TIAM2: variants seen among roughly 807,000 people sequenced by gnomAD.
TIAM2 encodes the protein TIAM Rac1 associated GEF 2.
Under a neutral mutation model 152.9 loss-of-function variants are expected in TIAM2, and 80 were observed. That is an observed-to-expected ratio of 0.52 (90% CI 0.44 to 0.63). The LOEUF (loss-of-function observed/expected upper bound fraction) is 0.63, where lower values mean the gene tolerates loss of function less well. Among genes scored for constraint, TIAM2 ranks in the 30% least tolerant of loss-of-function variants. TIAM2 has a pLI of 0.00. For missense variants in TIAM2, 1,965 were observed against 2,120.1 expected (o/e 0.93, Z 1.44); for synonymous variants, 804 against 838.0 (o/e 0.96, Z 0.70).
chr6:155,060,024 C>T (rs772005556), intron 1 of TIAM2, among the ~76,000 whole-genome samples: 27 of 152,294 alleles, frequency 1.8e-4, no homozygotes, highest in East Asian at 3.9e-4. Flanking sequence ...CACCCGCTGC[C>T]TACTACCTTT....
At chr6:155,003,407 G>A (rs1340154734) in intron 1 of TIAM2, among the ~76,000 whole-genome samples, 2 of 150,852 alleles carry the variant, frequency 1.3e-5, no homozygotes, top group Non-Finnish European at 3.0e-5. Context: ...TTGAACCCGG[G>A]AGGCAGAGGT....
intron 1 of TIAM2, among the ~76,000 whole-genome samples, chr6:155,061,837 G>A (rs557335466): frequency 1.3e-5 from 2 of 152,098 alleles, no homozygotes; most frequent in Non-Finnish European, 2.9e-5. Context: ...AAAAAAATTT[G>A]TATGACAGTT....
chr6:155,035,872 A>C (rs1583162425), intron 1 of TIAM2, among the ~76,000 whole-genome samples: 1 of 152,202 alleles, frequency 6.6e-6, no homozygotes, highest in Admixed American at 6.5e-5. Flanking sequence ...CTGCGATGAT[A>C]CAAAGACTGT....
intron 13 of TIAM2, among the ~76,000 whole-genome samples, chr6:155,182,657 A>G (rs746093016): frequency 2.0e-5 from 3 of 151,854 alleles, no homozygotes; most frequent in Non-Finnish European, 2.9e-5. Flanking sequence ...TAGAGAGAGC[A>G]TGTGTGTGTG....
At chr6:155,111,453 A>G (rs1212608570) in intron 2 of TIAM2, among the ~76,000 whole-genome samples, 1 of 152,168 alleles carries the variant, frequency 6.6e-6, no homozygotes. Context: ...AACAATAACC[A>G]TCACTTACCT....
intron 14 of TIAM2, among the ~76,000 whole-genome samples, chr6:155,190,363 T>C (rs1366418049): frequency 6.6e-6 from 1 of 152,234 alleles, no homozygotes; most frequent in Non-Finnish European, 1.5e-5. Flanking sequence ...AACCCCTATA[T>C]GTTCTCTGTA....
intron 14 of TIAM2, among the ~76,000 whole-genome samples, chr6:155,187,006 G>A: frequency 6.6e-6 from 1 of 152,056 alleles, no homozygotes; most frequent in East Asian, 1.9e-4. Flanking sequence ...CTGGCTCTCT[G>A]GGAAAGAAGA....
intron 2 of TIAM2, among the ~76,000 whole-genome samples, chr6:155,096,389 A>G (rs1778420900): frequency 6.6e-6 from 1 of 152,064 alleles, no homozygotes; most frequent in Non-Finnish European, 1.5e-5. Context: ...GCTTGTTTGG[A>G]ACTTATAATA....
intron 15 of TIAM2, among the ~76,000 whole-genome samples, chr6:155,235,000 T>C (rs886999460): frequency 1.7e-5 from 2 of 117,762 alleles, no homozygotes; most frequent in Non-Finnish European, 4.3e-5. Context: ...GGAGCACAGC[T>C]AGAGATGGAG....
intron 1 of TIAM2, among the ~76,000 whole-genome samples, chr6:155,021,869 A>G (rs1156647500): frequency 6.6e-6 from 1 of 152,102 alleles, no homozygotes; most frequent in Non-Finnish European, 1.5e-5. Flanking sequence ...TACTCAACAC[A>G]CAGTGCACAC....
chr6:155,209,034 T>C (rs1781656107), intron 14 of TIAM2, among the ~76,000 whole-genome samples: 1 of 151,986 alleles, frequency 6.6e-6, no homozygotes, highest in Admixed American at 6.6e-5. Flanking sequence ...TCCTTCGACA[T>C]AAAGGCTTTG....
At position 155,245,710 on chromosome 6, in the gene TIAM2, G is replaced by C. The variant is rs1783278385; in HGVS notation, c.3631G>C (p.Val1211Leu). 1 of 1,601,034 alleles carries C rather than the reference G, an allele frequency of 6.2e-7. No individual in the cohort carries two copies. The highest frequency in any genetic ancestry group is 8.5e-7 in the Non-Finnish European group (1 of 1,171,900). ...TGGATTCTGTGCTAACCATATCAAA[G>C]TACAGAAGGTTCTGGAGCGAGGTAA... is the stretch of plus-strand genomic sequence containing the variant. Reference protein sequence around the residue: ...YSGFCANHIKVQKVLERAKTD... With the variant: ...YSGFCANHIKLQKVLERAKTD... The change falls in exon 19 of 27, where the codon GTA becomes CTA. Residue 1211 changes from valine to leucine, a missense_variant. Transcript: ENST00000682666.
intron 1 of TIAM2, among the ~76,000 whole-genome samples, chr6:155,065,579 A>C (rs1332503519): frequency 6.6e-6 from 1 of 151,930 alleles, no homozygotes; most frequent in Admixed American, 6.6e-5. Context: ...GGAGTTCGAG[A>C]CCAGCCTGGC....
chr6:155,005,748 C>T (rs183534739), intron 1 of TIAM2, among the ~76,000 whole-genome samples: 125 of 151,494 alleles, frequency 8.3e-4, no homozygotes, highest in African/African-American at 3.0e-3. Context: ...CTCTGCCTCC[C>T]GAGTTCAAGT....
intron 1 of TIAM2, among the ~76,000 whole-genome samples, chr6:155,047,050 G>A (rs1404525872): frequency 6.6e-6 from 1 of 152,170 alleles, no homozygotes; most frequent in African/African-American, 2.4e-5. Context: ...CTGGGGCCAG[G>A]ACAGAAAACG....
intron 15 of TIAM2, among the ~76,000 whole-genome samples, chr6:155,223,527 C>CTTTTTTTTTTTTTTTTTTTTTTT (rs11385281): frequency 3.1e-5 from 4 of 130,870 alleles, no homozygotes; most frequent in African/African-American, 8.9e-5. Flanking sequence ...ATTTTTTTTT[C>CTTTTTTTTTTTTTTTTTTTTTTT]TTTTTTTTTT....
chr6:155,099,885 A>G (rs1778515426), intron 2 of TIAM2, among the ~76,000 whole-genome samples: 1 of 152,244 alleles, frequency 6.6e-6, no homozygotes, highest in African/African-American at 2.4e-5. Flanking sequence ...GGCATAGCCT[A>G]TGCTCCTAGG....
chr6:155,068,267 CA>C (rs1777750095), intron 1 of TIAM2, among the ~76,000 whole-genome samples: 1 of 151,994 alleles, frequency 6.6e-6, no homozygotes, highest in African/African-American at 2.4e-5. Flanking sequence ...ATGCTAAAGG[CA>C]AAAAACTCTC....
chr6:155,125,366 G>T (rs1037880391), intron 2 of TIAM2, among the ~76,000 whole-genome samples: 8 of 152,156 alleles, frequency 5.3e-5, no homozygotes, highest in African/African-American at 1.9e-4. Context: ...TATCATTAGA[G>T]AAATGCAAAT....
Sources: allele counts gnomAD v4.1 joint callset (sites outside exome capture counted in the v4.1 genomes callset), GRCh38; gene constraint gnomAD v4.1.1; transcripts MANE v1.5; gene names NCBI Gene and HGNC (gene_info 2026-07-23, HGNC 2026-07-21).